Variants in ARHGAP26 observed in about 807,000 individuals in gnomAD.
The protein encoded by ARHGAP26 is rho GTPase-activating protein 26.
A neutral mutation model predicts 104.8 loss-of-function variants in ARHGAP26; 38 were observed. That is an observed-to-expected ratio of 0.36 (90% confidence interval 0.28 to 0.48). The LOEUF (loss-of-function observed/expected upper bound fraction) is 0.48, where lower values mean the gene tolerates loss of function less well. ARHGAP26 is among the 20% of genes least tolerant of loss of function. The pLI is 0.99. For missense variants in ARHGAP26, 704 were observed against 947.9 expected (o/e 0.74, Z 3.38); for synonymous variants, 341 against 340.0 (o/e 1.00, Z -0.03).
At chr5:143,028,003 G>T (rs201138665) in intron 12 of ARHGAP26, among the ~76,000 whole-genome samples, 1 of 152,172 alleles carries the variant, frequency 6.6e-6, no homozygotes, top group East Asian at 1.9e-4. Flanking sequence ...ACAGCCCCCA[G>T]TTCCTTTCTG....
chr5:142,770,800 C>T lies in ARHGAP26; in HGVS notation c.39C>T (p.Leu13=), dbSNP rs756269539. Residue 13 remains leucine (L), a synonymous_variant, in exon 1 of 23, where the codon CTC becomes CTT. Transcript: ENST00000645722. The part of the protein sequence containing the change: ...LPALEFSDCC[L]DSPHFRETLK... The stretch of plus-strand genomic sequence containing the variant: ...CGCTCGAGTTCAGCGACTGCTGCCT[C>T]GATAGTCCGCACTTCCGAGAGACGC... 1 of 1,598,938 alleles carries T rather than the reference C, an allele frequency of 6.3e-7. No homozygotes were observed. The highest frequency in any genetic ancestry group is 8.5e-7 in the Non-Finnish European group (1 of 1,172,614).
chr5:143,047,998 C>T (rs1376456283), intron 14 of ARHGAP26, among the ~76,000 whole-genome samples: 2 of 151,862 alleles, frequency 1.3e-5, no homozygotes, highest in African/African-American at 4.8e-5. Flanking sequence ...AGGTGCATGC[C>T]CCCACACCAG....
At chr5:143,161,556 T>G (rs1380257902) in intron 20 of ARHGAP26, among the ~76,000 whole-genome samples, 1 of 152,214 alleles carries the variant, frequency 6.6e-6, no homozygotes, top group Non-Finnish European at 1.5e-5. Flanking sequence ...TGGAAAAACC[T>G]TAACTCCTGA....
chr5:143,173,766 T>C (rs966674157), intron 20 of ARHGAP26, among the ~76,000 whole-genome samples: 4 of 152,154 alleles, frequency 2.6e-5, no homozygotes, highest in African/African-American at 9.7e-5. Context: ...CCAAGTAGAA[T>C]TGGAGTTCTG....
chr5:143,042,551 A>G (rs1028906585), intron 14 of ARHGAP26, among the ~76,000 whole-genome samples: 1 of 152,202 alleles, frequency 6.6e-6, no homozygotes, highest in African/African-American at 2.4e-5. Flanking sequence ...GTATTTTTAG[A>G]TATGAGTGCA....
chr5:142,943,570 A>G (rs142115396), intron 11 of ARHGAP26, among the ~76,000 whole-genome samples: 1 of 152,280 alleles, frequency 6.6e-6, no homozygotes, highest in East Asian at 1.9e-4. Context: ...ACTTTCTGTT[A>G]TCATCACATT....
chr5:143,011,470 C>T (rs371355989), intron 11 of ARHGAP26, among the ~76,000 whole-genome samples: 1 of 152,116 alleles, frequency 6.6e-6, no homozygotes, highest in Non-Finnish European at 1.5e-5. Context: ...TGGAACGTTG[C>T]CTGACCATTA....
intron 19 of ARHGAP26, among the ~76,000 whole-genome samples, chr5:143,138,408 G>A (rs555665244): frequency 4.9e-4 from 74 of 152,318 alleles, no homozygotes; most frequent in African/African-American, 1.7e-3. Flanking sequence ...AGAAAGCATC[G>A]TAGCAACAAA....
At chr5:143,049,567 C>T (rs769754752) in intron 14 of ARHGAP26, among the ~76,000 whole-genome samples, 9 of 152,114 alleles carry the variant, frequency 5.9e-5, no homozygotes, top group Non-Finnish European at 1.2e-4. Context: ...GCTTTGGTCT[C>T]TGTATTTTTT....
chr5:142,792,206 T>C (rs906021742), intron 1 of ARHGAP26, among the ~76,000 whole-genome samples: 1 of 152,256 alleles, frequency 6.6e-6, no homozygotes. Flanking sequence ...ACAAAATTTA[T>C]CTGAAATCTT....
chr5:142,959,262 T>C (rs1769803186), intron 11 of ARHGAP26, among the ~76,000 whole-genome samples: 1 of 152,218 alleles, frequency 6.6e-6, no homozygotes, highest in Non-Finnish European at 1.5e-5. Flanking sequence ...TACTAGACAC[T>C]CACTTCACCA....
chr5:143,069,540 G>A (rs1326725211), intron 17 of ARHGAP26, among the ~76,000 whole-genome samples: 1 of 152,204 alleles, frequency 6.6e-6, no homozygotes. Context: ...TCTGTACTAA[G>A]GCGGTAGTTG....
intron 21 of ARHGAP26, among the ~76,000 whole-genome samples, chr5:143,209,741 A>T (rs1809142488): frequency 6.6e-6 from 1 of 151,804 alleles, no homozygotes; most frequent in South Asian, 2.1e-4. Flanking sequence ...AGATCGTGCC[A>T]TTGCATTCCA....
At chr5:142,904,320 G>A (rs1015719698) in intron 8 of ARHGAP26, among the ~76,000 whole-genome samples, 1 of 151,974 alleles carries the variant, frequency 6.6e-6, no homozygotes, top group Non-Finnish European at 1.5e-5. Flanking sequence ...GTGAAACCCT[G>A]TCTCTACAAA....
chr5:142,856,968 A>G (rs1175564181), intron 1 of ARHGAP26, among the ~76,000 whole-genome samples: 1 of 152,186 alleles, frequency 6.6e-6, no homozygotes, highest in African/African-American at 2.4e-5. Flanking sequence ...ATCTGAAATC[A>G]GAGTGTCAAC....
chr5:143,090,269 G>A (rs1003993530), intron 17 of ARHGAP26, among the ~76,000 whole-genome samples: 2 of 152,232 alleles, frequency 1.3e-5, no homozygotes, highest in Admixed American at 6.5e-5. Flanking sequence ...GTTGACTGGA[G>A]GACCACCCTA....
chr5:142,856,086 T>C (rs948945594), intron 1 of ARHGAP26, among the ~76,000 whole-genome samples: 1 of 152,232 alleles, frequency 6.6e-6, no homozygotes, highest in African/African-American at 2.4e-5. Context: ...TGTTTGCTCC[T>C]GTGGACAAAG....
chr5:143,215,869 G>A (rs188504913), intron 22 of ARHGAP26, among the ~76,000 whole-genome samples: 18 of 152,324 alleles, frequency 1.2e-4, no homozygotes, highest in Admixed American at 1.2e-3. Context: ...CAGTAGATGG[G>A]CACGTTGTTT....
At chr5:142,903,242 C>T (rs1760624408) in intron 7 of ARHGAP26, among the ~76,000 whole-genome samples, 1 of 152,162 alleles carries the variant, frequency 6.6e-6, no homozygotes, top group Admixed American at 6.5e-5. Context: ...GGAGGCTTAT[C>T]GTAAAACACA....
Sources: gnomAD v4.1 joint callset for allele counts (sites outside exome capture counted in the v4.1 genomes callset) on GRCh38, gnomAD v4.1.1 for gene constraint, MANE v1.5 for transcripts, NCBI Gene and HGNC (gene_info 2026-07-23, HGNC 2026-07-21) for gene names.